The following CDK15 variants were observed in gnomAD, a reference collection of about 807,000 sequenced individuals.
CDK15 encodes cyclin dependent kinase 15.
A neutral mutation model predicts 60.3 loss-of-function variants in CDK15; 62 were observed. The ratio of observed to expected loss-of-function variants is 1.03; its 90% CI spans 0.84 to 1.27. The LOEUF (loss-of-function observed/expected upper bound fraction) is 1.27, where lower values mean the gene tolerates loss of function less well. Ranked by LOEUF, CDK15 falls within the 50% of genes most tolerant of loss-of-function variation. CDK15 has a pLI of 0.00. For missense variants in CDK15, 541 were observed against 527.8 expected (o/e 1.03, Z -0.25); for synonymous variants, 194 against 195.7 (o/e 0.99, Z 0.07).
At chr2:201,858,330 CT>C (rs1367342344) in intron 10 of CDK15, among the ~76,000 whole-genome samples, 1 of 151,864 alleles carries the variant, frequency 6.6e-6, no homozygotes, top group Non-Finnish European at 1.5e-5. Flanking sequence ...TGGAAACTTG[CT>C]TTTCCTTCCC....
Position 201,872,878 on chromosome 2 carries a change from C to T in CDK15, c.1058+552C>T, listed in dbSNP as rs188445028. On this transcript the variant is annotated intron_variant, in intron 11 of 13. Coordinates refer to ENST00000652192, the MANE Select transcript of CDK15 (RefSeq NM_001366386.2). Reference sequence around the variant, plus strand: ...CGGGCTAAGAAGAACTCAGTGTTTTCGGACAATGACCAATTACAATAACCA... The same window carrying T: ...CGGGCTAAGAAGAACTCAGTGTTTTTGGACAATGACCAATTACAATAACCA... Among the ~76,000 whole-genome samples, 20 of 152,314 alleles carry T rather than the reference C, an allele frequency of 1.3e-4. No homozygotes were observed. The East Asian group carries it at 2.7e-3, about 21-fold the overall frequency.
intron 9 of CDK15, among the ~76,000 whole-genome samples, chr2:201,847,995 C>T (rs980435780): frequency 2.6e-5 from 4 of 152,064 alleles, no homozygotes; most frequent in African/African-American, 7.2e-5. Context: ...GGCTGTGTGG[C>T]GCACACCTTA....
At chr2:201,853,783 C>T (rs918169277) in intron 9 of CDK15, among the ~76,000 whole-genome samples, 10 of 151,466 alleles carry the variant, frequency 6.6e-5, no homozygotes, top group African/African-American at 2.4e-4. Flanking sequence ...ATGGTGCTGG[C>T]TTCATCCAAA....
intron 4 of CDK15, among the ~76,000 whole-genome samples, chr2:201,818,037 G>A (rs1339077765): frequency 6.6e-6 from 1 of 152,186 alleles, no homozygotes; most frequent in Non-Finnish European, 1.5e-5. Flanking sequence ...TTTATTCAAT[G>A]TCCAATGAGG....
chr2:201,854,731 A>G lies in CDK15; in HGVS notation c.946-143A>G, dbSNP rs1317492541. 2.1e-5 allele frequency: 14 copies of G among 660,332 alleles called. No individual in the cohort carries two copies. In the Admixed American group the frequency reaches 2.7e-4, roughly 13 times the overall value. The allele number at this position is 660,332 out of a possible 1,614,324, so 40.9% of individuals were successfully genotyped here. ...GGAAACACTCAAGTTTCTTTCTCGTATACATCAGCTGGTGTCATGCAATGG... is the reference window on the plus strand; with the variant it reads ...GGAAACACTCAAGTTTCTTTCTCGTGTACATCAGCTGGTGTCATGCAATGG... On this transcript the variant is annotated intron_variant, in intron 9 of 13. Transcript: ENST00000652192.
At position 201,875,092 on chromosome 2, in the gene CDK15, A is replaced by G. The variant is rs577785636; in HGVS notation, c.1058+2766A>G. ...GTAGTATGGAGTGATGGGTTAGTAG[A>G]TGGTGTTTTACGCAGTCACAAAACT... On this transcript the variant is annotated intron_variant, in intron 11 of 13. Transcript: ENST00000652192. 1.7e-4 allele frequency among the ~76,000 whole-genome samples: 26 copies of G among 152,260 alleles called. 1 individual carries two copies. The highest frequency in any genetic ancestry group is 1.4e-3 in the Admixed American group (22 of 15,290).
intron 12 of CDK15, among the ~76,000 whole-genome samples, chr2:201,885,681 G>A (rs963475010): frequency 2.6e-5 from 4 of 152,260 alleles, no homozygotes; most frequent in Non-Finnish European, 5.9e-5. Flanking sequence ...AATTTGTTAC[G>A]TTCATGGCTG....
In CDK15 at chr2:201,876,714, T is replaced by TA. The variant is rs2105826206; in HGVS notation, c.1059-3308dup. 6 of 430,396 alleles carry TA rather than the reference T, an allele frequency of 1.4e-5. No individual in the cohort carries two copies. In the East Asian group the frequency reaches 4.5e-4, roughly 32 times the overall value. The allele number at this position is 430,396 out of a possible 1,614,324, so 26.7% of individuals were successfully genotyped here. A position where few individuals can be genotyped will look rare whatever the true frequency, so the allele number is the denominator to read the frequency against. On this transcript the variant is annotated intron_variant, in intron 11 of 13. Transcript: ENST00000652192. Reference sequence around the variant, plus strand: ...TTCTGTTGGTTGAAATGGAAAATCCTAAAAAAGAGGTCCTTGCACTAATTA... The same window carrying TA: ...TTCTGTTGGTTGAAATGGAAAATCCTAAAAAAAGAGGTCCTTGCACTAATTA...
Position 201,894,889 on chromosome 2 carries a change from TG to T in CDK15, c.*1623del, listed in dbSNP as rs1699734385. The T allele has an allele frequency of 1.3e-5, 2 of 152,208 alleles. No homozygotes were observed. Among genetic ancestry groups the T allele is most frequent in the Non-Finnish European group, 2.9e-5 (2 of 68,036 alleles). The allele number at this position is 152,208 out of a possible 1,614,324, so 9.4% of individuals were successfully genotyped here. A position where few individuals can be genotyped will look rare whatever the true frequency, so the allele number is the denominator to read the frequency against. Reference sequence around the variant, plus strand: ...ACAGCAGGCCAAAACAACACTTACTTGCATCAAATTTCATCTGACTTAAATT... The same window carrying T: ...ACAGCAGGCCAAAACAACACTTACTTCATCAAATTTCATCTGACTTAAATT... On this transcript the variant is annotated 3_prime_UTR_variant, in exon 14 of 14. Coordinates refer to ENST00000652192, the MANE Select transcript of CDK15 (RefSeq NM_001366386.2).
At chr2:201,863,665 G>A (rs1277971573) in intron 10 of CDK15, among the ~76,000 whole-genome samples, 4 of 152,136 alleles carry the variant, frequency 2.6e-5, no homozygotes, top group Non-Finnish European at 5.9e-5. Context: ...GGAGGCCGAG[G>A]CGGGTGGTTC....
chr2:201,874,810 G>A (rs538812305), intron 11 of CDK15, among the ~76,000 whole-genome samples: 46 of 152,284 alleles, frequency 3.0e-4, no homozygotes, highest in Admixed American at 8.5e-4. Flanking sequence ...AGTATTGGAT[G>A]TATTTCTGAC....
At position 201,895,084 on chromosome 2, in the gene CDK15, A is replaced by T. The variant is rs1350240375; in HGVS notation, c.*1817A>T. 1.3e-5 allele frequency: 2 copies of T among 152,208 alleles called. No homozygotes were observed. The highest frequency in any genetic ancestry group is 2.9e-5 in the Non-Finnish European group (2 of 68,048). 9.4% of individuals were successfully genotyped at this position (152,208 alleles called of 1,614,324 possible). The stretch of plus-strand genomic sequence containing the variant: ...GACGCATCAGCAAGAGTTCTTGAGC[A>T]GTTTTACCTGTCCATCAATACAAAG... On this transcript the variant is annotated 3_prime_UTR_variant, in exon 14 of 14. Transcript: ENST00000652192.
intron 12 of CDK15, 135 bp downstream of exon 12, chr2:201,880,302 C>T (rs1252000179): frequency 9.0e-7 from 1 of 1,116,416 alleles, no homozygotes; most frequent in African/African-American, 1.6e-5. Context: ...AGTTAGAGAT[C>T]AGTTTGCCTG....
intron 8 of CDK15, among the ~76,000 whole-genome samples, chr2:201,843,555 C>T (rs1697497946): frequency 6.6e-6 from 1 of 152,070 alleles, no homozygotes; most frequent in South Asian, 2.1e-4. Context: ...TATGGATAGT[C>T]CATGTACTGA....
intron 11 of CDK15, chr2:201,876,500 GA>G: frequency 9.9e-7 from 1 of 1,008,886 alleles, no homozygotes. Flanking sequence ...GTACAGGGGA[GA>G]CCGACACACA....
rs1455786661 is a variant in CDK15, at chr2:201,812,502, G to A, written c.388G>A (p.Ala130Thr). Residue 130 changes from alanine (A) to threonine (T), a missense_variant, in exon 4 of 14, where the codon GCT becomes ACT. Physicochemically the swap from Ala to Thr is moderately conservative, Grantham distance 58 (BLOSUM62 0). Coordinates refer to ENST00000652192, the MANE Select transcript of CDK15 (RefSeq NM_001366386.2). ...GISRINGQLV[A>T]LKVISMNAEE... is the part of the protein sequence containing the mutation. Reference sequence around the variant, plus strand: ...TTCTAGAATAAATGGACAACTAGTGGCTTTAAAAGTCATCAGCATGAATGC... The same window carrying A: ...TTCTAGAATAAATGGACAACTAGTGACTTTAAAAGTCATCAGCATGAATGC... The A allele has an allele frequency of 6.2e-7, 1 of 1,612,670 alleles. No individual in the cohort carries two copies. The highest frequency in any genetic ancestry group is 1.7e-5 in the Admixed American group (1 of 59,968).
intron 3 of CDK15, among the ~76,000 whole-genome samples, chr2:201,808,174 C>G (rs763262492): frequency 6.6e-6 from 1 of 152,188 alleles, no homozygotes; most frequent in South Asian, 2.1e-4. Context: ...TGTTTATCAG[C>G]CTTTCCCTTC....
At chr2:201,881,757 A>T (rs1699285677) in intron 12 of CDK15, among the ~76,000 whole-genome samples, 1 of 151,816 alleles carries the variant, frequency 6.6e-6, no homozygotes, top group South Asian at 2.1e-4. Context: ...CTTCAGCCCC[A>T]TTCCTCCCCG....
At chr2:201,878,171 A>T (rs1169143655) in intron 11 of CDK15, among the ~76,000 whole-genome samples, 1 of 152,152 alleles carries the variant, frequency 6.6e-6, no homozygotes, top group Non-Finnish European at 1.5e-5. Flanking sequence ...GTGCCTTTCC[A>T]GTTATAAACC....
Sources: allele counts gnomAD v4.1 joint callset (sites outside exome capture counted in the v4.1 genomes callset), GRCh38; gene constraint gnomAD v4.1.1; transcripts MANE v1.5; gene names NCBI Gene and HGNC (gene_info 2026-07-23, HGNC 2026-07-21).